The following ARHGEF38 variants were observed in gnomAD, a reference collection of about 807,000 sequenced individuals.
ARHGEF38 encodes Rho guanine nucleotide exchange factor (GEF) 38.
ARHGEF38 carries 79 observed loss-of-function variants against 79.9 expected under a neutral mutation model. The observed-to-expected ratio is 0.99, with a 90% CI of 0.82 to 1.19. The LOEUF is 1.19. Among genes scored for constraint, ARHGEF38 ranks in the 50% most tolerant of loss-of-function variants. The pLI, the probability that ARHGEF38 is intolerant of heterozygous loss-of-function variation, is 0.00. For synonymous variants in ARHGEF38, 366 were observed against 328.3 expected, an observed-to-expected ratio of 1.11 and a Z score of -1.24; for missense variants, 962 against 907.2, an observed-to-expected ratio of 1.06 and a Z score of -0.78.
At chr4:105,615,636 T>A (rs1021180767) in intron 3 of ARHGEF38, among the ~76,000 whole-genome samples, 1 of 152,142 alleles carries the variant, frequency 6.6e-6, no homozygotes, top group African/African-American at 2.4e-5. Flanking sequence ...TTTTTAAAAA[T>A]TATTATTATT....
At chr4:105,597,047 A>AC (rs1238447070) in intron 2 of ARHGEF38, among the ~76,000 whole-genome samples, 1 of 151,998 alleles carries the variant, frequency 6.6e-6, no homozygotes, top group Non-Finnish European at 1.5e-5. Context: ...AGCTCCTCAG[A>AC]CCCCCAACTT....
intron 13 of ARHGEF38, among the ~76,000 whole-genome samples, chr4:105,675,714 G>T (rs1177329698): frequency 6.6e-6 from 1 of 152,180 alleles, no homozygotes; most frequent in East Asian, 1.9e-4. Flanking sequence ...ATTTCTCACA[G>T]TTGTGGAGGC....
At chr4:105,570,342 T>A (rs960478787) in intron 1 of ARHGEF38, 4 of 152,174 alleles carry the variant, frequency 2.6e-5, no homozygotes, top group African/African-American at 9.7e-5. Context: ...TGCTTTAATA[T>A]CAAAAATAAT....
chr4:105,666,302 G>T lies in ARHGEF38; in HGVS notation c.1671G>T (p.Lys557Asn), dbSNP rs1467999578. Residue 557 changes from lysine (K) to asparagine (N), a missense_variant, in exon 11 of 14, where the codon AAG becomes AAT. Physicochemically the swap from Lys to Asn is moderately conservative, Grantham distance 94 (BLOSUM62 0). Coordinates refer to ENST00000420470, the MANE Select transcript of ARHGEF38 (RefSeq NM_001242729.2). Reference protein sequence around the residue: ...FIERKLSFEKKKPVQILPEMP... With the variant: ...FIERKLSFEKNKPVQILPEMP... ...AGAGGAAACTCAGTTTTGAAAAGAAGAAACCTGTGCAGATTCTGGTGAGTT... is the reference window on the plus strand; with the variant it reads ...AGAGGAAACTCAGTTTTGAAAAGAATAAACCTGTGCAGATTCTGGTGAGTT... 3 of 1,530,550 alleles carry T rather than the reference G, an allele frequency of 2.0e-6. No individual in the cohort carries two copies. The African/African-American group carries it at 4.1e-5, about 21-fold the overall frequency. The allele number at this position is 1,530,550 out of a possible 1,614,324, so 94.8% of individuals were successfully genotyped here.
At position 105,561,400 on chromosome 4, in the gene ARHGEF38, T is replaced by TAGAATAGAATGGAATAG. The variant is rs59437354; in HGVS notation, c.196+8440_196+8441insGAATAGAATGGAATAGA. Among the ~76,000 whole-genome samples, 166 of 30,176 alleles carry TAGAATAGAATGGAATAG rather than the reference T, an allele frequency of 5.5e-3. 2 individuals carry two copies. Among genetic ancestry groups the TAGAATAGAATGGAATAG allele is most frequent in the South Asian group, 7.5e-3 (5 of 668 alleles). 19.8% of individuals were successfully genotyped at this position (30,176 alleles called of 152,430 possible). A position where few individuals can be genotyped will look rare whatever the true frequency, so the allele number is the denominator to read the frequency against. ...CTGGAGTCTCAAAAATAGAGTAGAA[T>TAGAATAGAATGGAATAG]AATAGAATAGAATAGAATAGAATGG... is the stretch of plus-strand genomic sequence containing the variant. On this transcript the variant is annotated intron_variant, in intron 1 of 13. Coordinates refer to ENST00000420470, the MANE Select transcript of ARHGEF38 (RefSeq NM_001242729.2).
chr4:105,615,394 G>C (rs950384742), intron 3 of ARHGEF38, among the ~76,000 whole-genome samples: 2 of 152,170 alleles, frequency 1.3e-5, no homozygotes, highest in African/African-American at 4.8e-5. Context: ...AGTAATATAG[G>C]CATGTGGTAA....
chr4:105,561,280 T>C (rs1294236178), intron 1 of ARHGEF38, among the ~76,000 whole-genome samples: 1 of 151,876 alleles, frequency 6.6e-6, no homozygotes, highest in African/African-American at 2.4e-5. Context: ...TGCATGCCTG[T>C]AATCCCAGCT....
At chr4:105,576,654 C>T (rs757748100) in intron 1 of ARHGEF38, among the ~76,000 whole-genome samples, 17 of 152,184 alleles carry the variant, frequency 1.1e-4, no homozygotes, top group Middle Eastern at 3.4e-3. Flanking sequence ...CAAAGTGGAT[C>T]CCCTTATTTT....
At chr4:105,592,164 CCTT>C (rs1727372372) in intron 2 of ARHGEF38, among the ~76,000 whole-genome samples, 1 of 152,182 alleles carries the variant, frequency 6.6e-6, no homozygotes, top group Non-Finnish European at 1.5e-5. Flanking sequence ...TCGCTCTCCT[CCTT>C]AATTCTGACA....
chr4:105,558,546 C>T (rs531166361), intron 1 of ARHGEF38, among the ~76,000 whole-genome samples: 15 of 152,252 alleles, frequency 9.9e-5, no homozygotes, highest in South Asian at 2.1e-4. Context: ...AAAGGCAAGA[C>T]GCTTTAAAAA....
At chr4:105,604,915 A>G (rs1385995399) in intron 2 of ARHGEF38, among the ~76,000 whole-genome samples, 2 of 152,182 alleles carry the variant, frequency 1.3e-5, no homozygotes, top group African/African-American at 4.8e-5. Flanking sequence ...TGATTGTTCC[A>G]AAAAGTTTCC....
chr4:105,628,744 C>T (rs1729059457), intron 3 of ARHGEF38, among the ~76,000 whole-genome samples: 1 of 152,092 alleles, frequency 6.6e-6, no homozygotes, highest in Non-Finnish European at 1.5e-5. Flanking sequence ...CATGTGTGCA[C>T]ATTATCTCAC....
At chr4:105,554,356 G>T (rs530466539) in intron 1 of ARHGEF38, among the ~76,000 whole-genome samples, 4 of 152,038 alleles carry the variant, frequency 2.6e-5, no homozygotes, top group Admixed American at 2.0e-4. Flanking sequence ...GCCTCTGTCC[G>T]TTTCTCGCCA....
At chr4:105,648,848 TTCTCTC>T (rs374420145) in intron 7 of ARHGEF38, among the ~76,000 whole-genome samples, 166 bp downstream of exon 7, 3 of 108,620 alleles carry the variant, frequency 2.8e-5, no homozygotes, top group Non-Finnish European at 5.2e-5. Context: ...CTCTCTCTCT[TTCTCTC>T]TCTCTCTCTC....
chr4:105,682,275 T>G (rs1731337589), downstream of ARHGEF38, among the ~76,000 whole-genome samples: 1 of 152,022 alleles, frequency 6.6e-6, no homozygotes. Context: ...GATGAAATAA[T>G]TGGGAGGGAG....
chr4:105,655,183 A>G (rs745883617), intron 8 of ARHGEF38, among the ~76,000 whole-genome samples: 13 of 152,224 alleles, frequency 8.5e-5, no homozygotes, highest in Non-Finnish European at 1.2e-4. Flanking sequence ...CATCTACAGG[A>G]AAGTCTTCTA....
At chr4:105,585,949 T>C (rs1727023905) in intron 1 of ARHGEF38, among the ~76,000 whole-genome samples, 1 of 151,996 alleles carries the variant, frequency 6.6e-6, no homozygotes, top group Admixed American at 6.5e-5. Flanking sequence ...CAGGCCGGTA[T>C]GAAACTCCTA....
intron 2 of ARHGEF38, among the ~76,000 whole-genome samples, chr4:105,590,418 A>G (rs1333030127): frequency 6.6e-6 from 1 of 152,254 alleles, no homozygotes; most frequent in Non-Finnish European, 1.5e-5. Flanking sequence ...GAAAATTACC[A>G]TTAACACAAT....
intron 1 of ARHGEF38, among the ~76,000 whole-genome samples, chr4:105,583,002 T>C (rs576726868): frequency 2.4e-4 from 37 of 151,752 alleles, no homozygotes; most frequent in South Asian, 1.5e-3. Flanking sequence ...TACTTTCATC[T>C]TCTTGTGTGC....
Sources: allele counts gnomAD v4.1 joint callset (sites outside exome capture counted in the v4.1 genomes callset), GRCh38; gene constraint gnomAD v4.1.1; transcripts MANE v1.5; gene names NCBI Gene and HGNC (gene_info 2026-07-23, HGNC 2026-07-21).